SLC30A6: variants seen among roughly 807,000 people sequenced by gnomAD.
SLC30A6 encodes zinc transporter 6.
In SLC30A6, 55 loss-of-function variants were observed where a neutral mutation model predicts 63.0. That is an observed-to-expected ratio of 0.87 (90% CI 0.70 to 1.09). SLC30A6 has a LOEUF of 1.09. Among genes scored for constraint, SLC30A6 ranks in the 50% least tolerant of loss-of-function variants. SLC30A6 has a pLI of 0.00. For synonymous variants in SLC30A6, 224 were observed against 186.1 expected, an observed-to-expected ratio of 1.20 and a Z score of -1.66; for missense variants, 587 against 549.2, an observed-to-expected ratio of 1.07 and a Z score of -0.69.
Position 32,205,191 on chromosome 2 carries a change from C to T in SLC30A6, c.768+499C>T, listed in dbSNP as rs113116749. The stretch of plus-strand genomic sequence containing the variant: ...ATCCCAGCACTTTGGGAGGCCAAGG[C>T]GGGCAGATCACAATGTCAGTAGTTC... On this transcript the variant is annotated intron_variant, in intron 11 of 13. Coordinates refer to ENST00000282587, the MANE Select transcript of SLC30A6 (RefSeq NM_017964.5). Among the ~76,000 whole-genome samples, 448 of 152,180 alleles carry T rather than the reference C, an allele frequency of 2.9e-3. 4 individuals are homozygous for T. Among genetic ancestry groups the T allele is most frequent in the African/African-American group, 0.01 (421 of 41,512 alleles).
At position 32,206,105 on chromosome 2, in the gene SLC30A6, C is replaced by T. The variant is rs941026758; in HGVS notation, c.769-781C>T. On this transcript the variant is annotated intron_variant, in intron 11 of 13. Transcript: ENST00000282587. ...ATTTCAAACTTAAAATCTTAAATGA[C>T]ACATTGCTACTTACTGAAATGATAG... Among the ~76,000 whole-genome samples, 6 of 152,124 alleles carry T rather than the reference C, an allele frequency of 3.9e-5. No homozygotes were observed. In the East Asian group the frequency reaches 1.2e-3, roughly 29 times the overall value.
intron 4 of SLC30A6, among the ~76,000 whole-genome samples, chr2:32,175,750 T>C (rs577072286): frequency 6.6e-6 from 1 of 151,742 alleles, no homozygotes; most frequent in South Asian, 2.1e-4. Flanking sequence ...CCGAGGCGGG[T>C]GGATCACTTG....
chr2:32,208,646 G>A (rs927469505), intron 12 of SLC30A6, among the ~76,000 whole-genome samples: 5 of 147,116 alleles, frequency 3.4e-5, no homozygotes, highest in African/African-American at 5.1e-5. Flanking sequence ...AGTCTGGAGT[G>A]CAGTGCCGTG....
In SLC30A6 at chr2:32,224,316, G is replaced by A. The variant is rs373000852; in HGVS notation, c.*3603G>A. The A allele has an allele frequency of 2.0e-4, 115 of 576,728 alleles. 1 individual carries two copies. The highest frequency in any genetic ancestry group is 2.0e-3 in the African/African-American group (105 of 53,222). 35.7% of individuals were successfully genotyped at this position (576,728 alleles called of 1,614,324 possible). Reference sequence around the variant, plus strand: ...CAAGGCGCCGATAATCCTAGTAGGAGAGCTAAGACACAAAACTGTTGCATG... The same window carrying A: ...CAAGGCGCCGATAATCCTAGTAGGAAAGCTAAGACACAAAACTGTTGCATG... On this transcript the variant is annotated 3_prime_UTR_variant, in exon 14 of 14. Transcript: ENST00000282587.
At chr2:32,201,622 G>T in intron 10 of SLC30A6, 1 of 1,514,498 alleles carries the variant, frequency 6.6e-7, no homozygotes, top group Non-Finnish European at 8.9e-7. Context: ...CTCCTCTGGG[G>T]GTACATTATG....
chr2:32,217,844 C>CTTTT (rs61606348), intron 13 of SLC30A6, among the ~76,000 whole-genome samples: 1 of 143,744 alleles, frequency 7.0e-6, no homozygotes. Context: ...GGATTGAATT[C>CTTTT]TTTTTTTTTT....
chr2:32,208,438 G>GT (rs1184581033), intron 12 of SLC30A6, among the ~76,000 whole-genome samples: 1 of 150,828 alleles, frequency 6.6e-6, no homozygotes, highest in African/African-American at 2.4e-5. Context: ...GCCTTTTGTT[G>GT]TTTTTTTAAA....
chr2:32,186,513 C>A (rs1682826522), intron 5 of SLC30A6, among the ~76,000 whole-genome samples: 1 of 152,084 alleles, frequency 6.6e-6, no homozygotes, highest in South Asian at 2.1e-4. Flanking sequence ...TGGCAAAACC[C>A]CATCTCTACT....
chr2:32,210,882 C>G (rs1354577855), intron 13 of SLC30A6, among the ~76,000 whole-genome samples: 1 of 152,142 alleles, frequency 6.6e-6, no homozygotes, highest in Admixed American at 6.6e-5. Context: ...CATCCCCTCC[C>G]TCCTTACTGG....
At chr2:32,214,630 C>G (rs1286104198) in intron 13 of SLC30A6, 1 of 152,090 alleles carries the variant, frequency 6.6e-6, no homozygotes, top group Non-Finnish European at 1.5e-5. Context: ...TAGTCATCAA[C>G]TCAGAACTTG....
chr2:32,200,551 T>C (rs552336519), intron 10 of SLC30A6, among the ~76,000 whole-genome samples: 1 of 151,348 alleles, frequency 6.6e-6, no homozygotes, highest in East Asian at 1.9e-4. Flanking sequence ...TCTATGACCT[T>C]ACCCCCAACC....
At chr2:32,185,331 G>C (rs1418164904) in intron 5 of SLC30A6, among the ~76,000 whole-genome samples, 1 of 150,462 alleles carries the variant, frequency 6.6e-6, no homozygotes, top group Non-Finnish European at 1.5e-5. Context: ...CTGCATTACA[G>C]ATGGCAAGAG....
intron 11 of SLC30A6, 132 bp from the exon 12 acceptor site, chr2:32,206,754 C>A: frequency 1.5e-6 from 1 of 657,610 alleles, no homozygotes; most frequent in Non-Finnish European, 2.8e-6. Flanking sequence ...AACCTCTCTT[C>A]TCTAAATCAT....
chr2:32,205,587 C>G (rs1435191902), intron 11 of SLC30A6, among the ~76,000 whole-genome samples: 1 of 150,012 alleles, frequency 6.7e-6, no homozygotes, highest in Non-Finnish European at 1.5e-5. Flanking sequence ...AGTCACAAAT[C>G]TTCCTATATT....
rs1403803378 is a variant in SLC30A6 at position 32,206,976 on chromosome 2, G to T, written c.816+43G>T. 4.7e-6 allele frequency: 7 copies of T among 1,478,500 alleles called. No homozygotes were observed. The Admixed American group carries it at 1.0e-4, about 21-fold the overall frequency. The allele number at this position is 1,478,500 out of a possible 1,614,324, so 91.6% of individuals were successfully genotyped here. ...ATAAAATCATTTTATTTTATATCAG[G>T]GAATTGAAAAGGTGGATACTTTTAA... On this transcript the variant is annotated intron_variant, in intron 12 of 13. Transcript: ENST00000282587.
chr2:32,209,041 A>G (rs1685031725), intron 12 of SLC30A6, among the ~76,000 whole-genome samples: 1 of 152,174 alleles, frequency 6.6e-6, no homozygotes, highest in Admixed American at 6.5e-5. Flanking sequence ...TGGCCTTGGA[A>G]TTTCTTCTAG....
chr2:32,166,125 C>G (rs940119761), intron 1 of SLC30A6, among the ~76,000 whole-genome samples: 4 of 152,200 alleles, frequency 2.6e-5, no homozygotes, highest in African/African-American at 9.7e-5. Flanking sequence ...ATCTAGGCCC[C>G]GCTGCAGGCA....
intron 10 of SLC30A6, chr2:32,201,867 TA>T (rs1368061629): frequency 6.9e-7 from 1 of 1,445,766 alleles, no homozygotes; most frequent in East Asian, 2.3e-5. Flanking sequence ...AAAATGGTGT[TA>T]CAGATTACCT....
chr2:32,212,181 C>T (rs1160264897), intron 13 of SLC30A6, among the ~76,000 whole-genome samples: 3 of 151,742 alleles, frequency 2.0e-5, no homozygotes, highest in East Asian at 1.9e-4. Flanking sequence ...TGTGTTTGTT[C>T]TGAGTAAGTC....
Sources: gnomAD v4.1 joint callset for allele counts (sites outside exome capture counted in the v4.1 genomes callset) on GRCh38, gnomAD v4.1.1 for gene constraint, MANE v1.5 for transcripts, NCBI Gene and HGNC (gene_info 2026-07-23, HGNC 2026-07-21) for gene names.